Variants in USP34 observed in about 807,000 individuals in gnomAD.
The protein encoded by USP34 is ubiquitin carboxyl-terminal hydrolase 34.
Under a neutral mutation model 460.3 loss-of-function variants are expected in USP34, and 70 were observed. That is an observed-to-expected ratio of 0.15 (90% confidence interval 0.13 to 0.19). The LOEUF (loss-of-function observed/expected upper bound fraction) is 0.19, where lower values mean the gene tolerates loss of function less well. USP34 is among the 10% of genes least tolerant of loss of function. The pLI is 1.00. For missense variants in USP34, 3,985 were observed against 4,236.2 expected, an observed-to-expected ratio of 0.94 and a Z score of 1.65; for synonymous variants, 1,647 against 1,405.3, an observed-to-expected ratio of 1.17 and a Z score of -3.85.
intron 78 of USP34, chr2:61,189,274 T>G (rs1686548549): frequency 3.8e-6 from 2 of 524,088 alleles, no homozygotes; most frequent in Non-Finnish European, 3.1e-6. Flanking sequence ...TTTTTTTTGT[T>G]TTGTTTTTGT....
At chr2:61,189,259 GT>G (rs11309952) in intron 78 of USP34, 190 bp from the exon 79 acceptor site, 231,211 of 424,064 alleles carry the variant, frequency 0.55, 51,046 homozygotes, top group Middle Eastern at 0.61. Flanking sequence ...TTCATTAGTT[GT>G]TTTTTTTTTT....
At chr2:61,345,670 T>C (rs1691745780) in intron 15 of USP34, among the ~76,000 whole-genome samples, 1 of 152,256 alleles carries the variant, frequency 6.6e-6, no homozygotes, top group African/African-American at 2.4e-5. Flanking sequence ...AGTCTCATTC[T>C]ATTGCCCAGG....
At chr2:61,280,167 A>G (rs1167824079) in intron 39 of USP34, 77 bp downstream of exon 39, 2 of 830,622 alleles carry the variant, frequency 2.4e-6, no homozygotes, top group Admixed American at 3.2e-5. Flanking sequence ...AATAACCAAT[A>G]AAGTCATGAA....
chr2:61,324,844 T>C (rs1379301652), intron 21 of USP34, among the ~76,000 whole-genome samples: 1 of 152,126 alleles, frequency 6.6e-6, no homozygotes, highest in Non-Finnish European at 1.5e-5. Flanking sequence ...ACAATCTCAA[T>C]TACTTTAATA....
chr2:61,349,099 A>G (rs1691861044), intron 13 of USP34, 151 bp downstream of exon 13: 4 of 1,051,784 alleles, frequency 3.8e-6, no homozygotes, highest in Admixed American at 3.0e-5. Flanking sequence ...TTTAAGAAAA[A>G]TGGGTAACAC....
At chr2:61,367,756 C>T (rs1692484262) in intron 10 of USP34, among the ~76,000 whole-genome samples, 1 of 151,724 alleles carries the variant, frequency 6.6e-6, no homozygotes, top group South Asian at 2.1e-4. Flanking sequence ...AATCTATATA[C>T]AAATAACTTT....
intron 2 of USP34, among the ~76,000 whole-genome samples, chr2:61,409,780 A>C (rs1010204133): frequency 6.6e-6 from 1 of 152,130 alleles, no homozygotes; most frequent in Non-Finnish European, 1.5e-5. Context: ...TAATGGACCT[A>C]AGAAACTGAT....
At chr2:61,365,368 C>G (rs765464684) in intron 10 of USP34, among the ~76,000 whole-genome samples, 2 of 151,626 alleles carry the variant, frequency 1.3e-5, no homozygotes, top group Non-Finnish European at 2.9e-5. Flanking sequence ...TTCAAAAACT[C>G]AGAACAAAAC....
At chr2:61,349,355 T>G in intron 12 of USP34, 70 bp from the exon 13 acceptor site, 1 of 1,487,492 alleles carries the variant, frequency 6.7e-7, no homozygotes, top group East Asian at 2.3e-5. Context: ...AGCGTATCAG[T>G]TGTTCATATT....
chr2:61,322,446 G>A (rs1690954301), intron 21 of USP34, among the ~76,000 whole-genome samples: 1 of 148,982 alleles, frequency 6.7e-6, no homozygotes, highest in African/African-American at 2.6e-5. Flanking sequence ...AAAAGGGAAG[G>A]CATTATAGGC....
chr2:61,388,203 A>C (rs2103884392), intron 5 of USP34, among the ~76,000 whole-genome samples: 1 of 152,198 alleles, frequency 6.6e-6, no homozygotes, highest in East Asian at 1.9e-4. Context: ...AGATCACCCC[A>C]ATGCGCTCTG....
At chr2:61,412,270 G>C (rs1410360750) in intron 2 of USP34, among the ~76,000 whole-genome samples, 1 of 122,350 alleles carries the variant, frequency 8.2e-6, no homozygotes, top group Non-Finnish European at 1.7e-5. Context: ...AGAGGAAACA[G>C]ACAAAATACA....
intron 39 of USP34, among the ~76,000 whole-genome samples, chr2:61,279,177 C>T (rs568582267): frequency 2.0e-5 from 3 of 151,396 alleles, no homozygotes; most frequent in Non-Finnish European, 4.4e-5. Flanking sequence ...TTGCTCAATA[C>T]TAATTTTTGT....
Position 61,464,689 on chromosome 2 carries a change from G to A in USP34, c.43+5961C>T, listed in dbSNP as rs1040235078. Among the ~76,000 whole-genome samples, 3 of 133,950 alleles carry A rather than the reference G, an allele frequency of 2.2e-5. No homozygotes were observed. In the East Asian group the frequency reaches 6.8e-4, roughly 30 times the overall value. 87.9% of individuals were successfully genotyped at this position (133,950 alleles called of 152,430 possible). On this transcript the variant is annotated intron_variant, in intron 1 of 79. Transcript: ENST00000398571. ...CCCAAGATCGCACCACTGCACTCCA[G>A]CCTGGGCGAAAGAGCGAGACTCCGT... is the stretch of plus-strand genomic sequence containing the variant.
At chr2:61,385,671 CAAAAAAAAAAAAAAAA>C (rs61200102) in intron 5 of USP34, among the ~76,000 whole-genome samples, 1 of 46,002 alleles carries the variant, frequency 2.2e-5, no homozygotes, top group African/African-American at 9.6e-5. Context: ...GACTCTGTCT[CAAAAAAAAAAAAAAAA>C]AAAAAAAGAA....
chr2:61,204,320 T>C lies in USP34; in HGVS notation c.9320A>G (p.Asn3107Ser), dbSNP rs757684153. 2.5e-6 allele frequency: 4 copies of C among 1,614,204 alleles called. No individual in the cohort carries two copies. Among genetic ancestry groups the C allele is most frequent in the Admixed American group, 1.7e-5 (1 of 60,030 alleles). ...ENIKLIGGKS[N>S]IRPPRPELNM... ...GAGTTCAGGGCGCGGAGGCCGAATA[T>C]TGCTTTTCCCTCCTATTAGCTTGAT... The change falls in exon 74 of 80, where the codon AAT (asparagine) becomes AGT (serine). Residue 3107 changes from asparagine to serine, a missense_variant. Asn to Ser is a conservative substitution (Grantham distance 46). This residue lies in a region of USP34 where 275 missense variants were observed against 292.7 expected (regional missense o/e 0.94). Transcript: ENST00000398571.
At chr2:61,233,140 G>A (rs1158955023) in intron 57 of USP34, among the ~76,000 whole-genome samples, 4 of 152,046 alleles carry the variant, frequency 2.6e-5, no homozygotes, top group Non-Finnish European at 5.9e-5. Flanking sequence ...TATTATAGGC[G>A]TGAGCCATGT....
At chr2:61,454,815 C>CTGGGATTATA (rs1695384630) in intron 1 of USP34, among the ~76,000 whole-genome samples, 1 of 150,738 alleles carries the variant, frequency 6.6e-6, no homozygotes, top group Non-Finnish European at 1.5e-5. Context: ...TCCCAAAGTG[C>CTGGGATTATA]TGGGATTATA....
At position 61,376,741 on chromosome 2, in the gene USP34, G is replaced by A. The variant is rs549286483; in HGVS notation, c.1076+1622C>T. On this transcript the variant is annotated intron_variant, in intron 8 of 79. Transcript: ENST00000398571. ...TCGGGTCACTGCAATCTCTGTCTCC[G>A]GGTTTAAGTGATTCTCGTGCCTCAG... Among the ~76,000 whole-genome samples, 44 of 151,008 alleles carry A rather than the reference G, an allele frequency of 2.9e-4. No individual in the cohort carries two copies. The East Asian group carries it at 7.8e-3, about 27-fold the overall frequency.
Sources: gnomAD v4.1 joint callset for allele counts (sites outside exome capture counted in the v4.1 genomes callset) on GRCh38, gnomAD v4.1.1 for gene constraint, gnomAD v4.1.1 regional missense constraint, MANE v1.5 for transcripts, NCBI Gene and HGNC (gene_info 2026-07-23, HGNC 2026-07-21) for gene names.